Variants in ADGRB3 observed in about 807,000 individuals in gnomAD.
ADGRB3 encodes the protein brain-specific angiogenesis inhibitor 3.
A neutral mutation model predicts 193.4 loss-of-function variants in ADGRB3; 37 were observed. The observed-to-expected ratio is 0.19, with a 90% CI of 0.15 to 0.25. The LOEUF is 0.25. ADGRB3 is among the 10% of genes least tolerant of loss of function. The pLI, the probability that ADGRB3 is intolerant of heterozygous loss-of-function variation, is 1.00. For synonymous variants in ADGRB3, 690 were observed against 644.2 expected, an observed-to-expected ratio of 1.07 and a Z score of -1.08; for missense variants, 1,637 against 1,852.9, an observed-to-expected ratio of 0.88 and a Z score of 2.14.
chr6:68,898,659 G>A (rs1033779315), intron 3 of ADGRB3, among the ~76,000 whole-genome samples: 4 of 152,000 alleles, frequency 2.6e-5, no homozygotes, highest in Non-Finnish European at 5.9e-5. Flanking sequence ...GTGGAAAAGG[G>A]GAAAGTAGAA....
intron 26 of ADGRB3, among the ~76,000 whole-genome samples, chr6:69,347,083 C>T (rs2127324220): frequency 6.6e-6 from 1 of 152,318 alleles, no homozygotes; most frequent in African/African-American, 2.4e-5. Context: ...TGGAAACCAT[C>T]ATTCTCAGCG....
intron 8 of ADGRB3, among the ~76,000 whole-genome samples, chr6:68,969,995 TCTC>T (rs1768511326): frequency 6.6e-6 from 1 of 152,300 alleles, no homozygotes; most frequent in Non-Finnish European, 1.5e-5. Context: ...GTCTTACTCT[TCTC>T]CTTCCAGCCC....
chr6:68,861,891 A>C (rs968274977), intron 3 of ADGRB3, among the ~76,000 whole-genome samples: 1 of 152,172 alleles, frequency 6.6e-6, no homozygotes, highest in African/African-American at 2.4e-5. Flanking sequence ...AAATGGGGGT[A>C]ATATATGCAA....
At chr6:68,963,330 A>G (rs1400344069) in intron 8 of ADGRB3, among the ~76,000 whole-genome samples, 1 of 152,140 alleles carries the variant, frequency 6.6e-6, no homozygotes, top group Non-Finnish European at 1.5e-5. Flanking sequence ...TCTGTTACCC[A>G]TATTATGACA....
rs923083077 is a variant in ADGRB3 at position 68,944,106 on chromosome 6, T to C, written c.1195+112T>C. 1.3e-5 allele frequency: 16 copies of C among 1,199,666 alleles called. No individual in the cohort carries two copies. In the African/African-American group the frequency reaches 2.3e-4, roughly 17 times the overall value. The allele number at this position is 1,199,666 out of a possible 1,614,324, so 74.3% of individuals were successfully genotyped here. On this transcript the variant is annotated intron_variant, in intron 6 of 31. Coordinates refer to ENST00000370598, the MANE Select transcript of ADGRB3 (RefSeq NM_001704.3). ...CTTCATTCAGTCACGTTGGGAAATG[T>C]GTCCTTTTCATTGTATCTTGCCTAA...
At chr6:68,952,614 G>A (rs898075226) in intron 6 of ADGRB3, among the ~76,000 whole-genome samples, 10 of 151,934 alleles carry the variant, frequency 6.6e-5, no homozygotes, top group Non-Finnish European at 1.5e-4. Flanking sequence ...AAACCTGCAC[G>A]TTGTGCACAT....
Position 68,671,451 on chromosome 6 carries a change from G to GT in ADGRB3, c.757+32024dup, listed in dbSNP as rs1203020874. 2.6e-5 allele frequency among the ~76,000 whole-genome samples: 4 copies of GT among 151,912 alleles called. No homozygotes were observed. In the East Asian group the frequency reaches 7.7e-4, roughly 29 times the overall value. On this transcript the variant is annotated intron_variant, in intron 3 of 31. Coordinates refer to ENST00000370598, the MANE Select transcript of ADGRB3 (RefSeq NM_001704.3). ...TCCTTCTATCTCAAGTTTTCTGAGG[G>GT]TTTTTATCATGAAGGGATTTCGAAC...
chr6:68,714,705 T>G (rs1765461650), intron 3 of ADGRB3, among the ~76,000 whole-genome samples: 1 of 151,894 alleles, frequency 6.6e-6, no homozygotes, highest in African/African-American at 2.4e-5. Context: ...CAGTGATTCA[T>G]TTTCAACAGA....
intron 3 of ADGRB3, among the ~76,000 whole-genome samples, chr6:68,882,637 G>A (rs1765763564): frequency 1.3e-5 from 2 of 151,878 alleles, no homozygotes; most frequent in South Asian, 4.2e-4. Flanking sequence ...TTTTGTAGTG[G>A]CTCCTAGACT....
chr6:69,334,201 A>T (rs1432176880), intron 24 of ADGRB3, among the ~76,000 whole-genome samples: 1 of 151,840 alleles, frequency 6.6e-6, no homozygotes, highest in African/African-American at 2.4e-5. Flanking sequence ...CTGTAACCTC[A>T]TTCAAAACTT....
At position 69,261,544 on chromosome 6, in the gene ADGRB3, T is replaced by A. The variant is rs1388852622; in HGVS notation, c.2814+22318T>A. Among the ~76,000 whole-genome samples, 3 of 152,242 alleles carry A rather than the reference T, an allele frequency of 2.0e-5. No homozygotes were observed. In the East Asian group the frequency reaches 5.8e-4, roughly 29 times the overall value. On this transcript the variant is annotated intron_variant, in intron 20 of 31. Coordinates refer to ENST00000370598, the MANE Select transcript of ADGRB3 (RefSeq NM_001704.3). ...AGCCTCAGTAAAATTATTCAAGTGT[T>A]TGATATGACATTTTTTATACTTTTT...
intron 19 of ADGRB3, among the ~76,000 whole-genome samples, chr6:69,236,998 G>A (rs755316967): frequency 1.3e-5 from 2 of 151,946 alleles, no homozygotes; most frequent in Non-Finnish European, 1.5e-5. Flanking sequence ...AATATTCATA[G>A]TTTGAAAGAA....
At chr6:69,040,704 A>G (rs902733076) in intron 13 of ADGRB3, among the ~76,000 whole-genome samples, 1 of 106,636 alleles carries the variant, frequency 9.4e-6, no homozygotes, top group South Asian at 2.7e-4. Flanking sequence ...AAAAAAAAAA[A>G]AAAAACAAAC....
chr6:68,959,177 A>C (rs1027962096), intron 8 of ADGRB3, among the ~76,000 whole-genome samples: 1 of 151,936 alleles, frequency 6.6e-6, no homozygotes, highest in African/African-American at 2.4e-5. Flanking sequence ...TGGAGTTCCA[A>C]CTCTGTTCAA....
chr6:69,020,548 T>C (rs1770234009), intron 13 of ADGRB3, among the ~76,000 whole-genome samples: 1 of 152,052 alleles, frequency 6.6e-6, no homozygotes. Flanking sequence ...GTAAGAGGTA[T>C]ATTAAGCATA....
chr6:68,773,048 C>T (rs1183656164), intron 3 of ADGRB3, among the ~76,000 whole-genome samples: 1 of 150,814 alleles, frequency 6.6e-6, no homozygotes, highest in Non-Finnish European at 1.5e-5. Flanking sequence ...CCCAGGAGGT[C>T]GAGGCTGCAG....
intron 3 of ADGRB3, among the ~76,000 whole-genome samples, chr6:68,684,692 T>G (rs966423797): frequency 2.6e-5 from 4 of 152,110 alleles, no homozygotes; most frequent in African/African-American, 9.7e-5. Flanking sequence ...AGGGAAAATT[T>G]CCAGAGAAAT....
At chr6:69,388,221 C>T (rs1232382486) in intron 31 of ADGRB3, among the ~76,000 whole-genome samples, 1 of 152,054 alleles carries the variant, frequency 6.6e-6, no homozygotes, top group Admixed American at 6.6e-5. Context: ...AAAAACTAGG[C>T]ATAGTGATCT....
At chr6:69,204,184 G>A (rs1246508583) in intron 17 of ADGRB3, among the ~76,000 whole-genome samples, 1 of 152,072 alleles carries the variant, frequency 6.6e-6, no homozygotes, top group Non-Finnish European at 1.5e-5. Flanking sequence ...AAGCCTAAAT[G>A]TTTTGTGTAA....
Sources: allele counts gnomAD v4.1 joint callset (sites outside exome capture counted in the v4.1 genomes callset), GRCh38; gene constraint gnomAD v4.1.1; transcripts MANE v1.5; gene names NCBI Gene and HGNC (gene_info 2026-07-23, HGNC 2026-07-21).